Variants in ANKRD28 observed in about 807,000 individuals in gnomAD.
The protein encoded by ANKRD28 is serine/threonine-protein phosphatase 6 regulatory ankyrin repeat subunit A.
Under a neutral mutation model 126.5 loss-of-function variants are expected in ANKRD28, and 44 were observed. The ratio of observed to expected loss-of-function variants is 0.35; its 90% CI spans 0.27 to 0.45. The LOEUF (loss-of-function observed/expected upper bound fraction) is 0.45. Ranked by LOEUF, ANKRD28 falls within the 20% of genes least tolerant of loss-of-function variation. The pLI is 1.00. For missense variants in ANKRD28, 1,110 were observed against 1,316.6 expected (o/e 0.84, Z 2.43); for synonymous variants, 442 against 468.5 (o/e 0.94, Z 0.73).
chr3:15,763,018 T>C (rs545698953), intron 3 of ANKRD28, among the ~76,000 whole-genome samples: 5 of 152,226 alleles, frequency 3.3e-5, no homozygotes, highest in African/African-American at 1.2e-4. Flanking sequence ...GTGTCTCTCA[T>C]GGCAACACAA....
intron 1 of ANKRD28, among the ~76,000 whole-genome samples, chr3:15,809,984 C>T (rs2060676775): frequency 6.6e-6 from 1 of 152,066 alleles, no homozygotes; most frequent in African/African-American, 2.4e-5. Context: ...TCCTCATCCA[C>T]AAAATGTATA....
rs1423464369 is a variant in ANKRD28 at position 15,859,575 on chromosome 3, G to A, written c.-172C>T. ...GGGCAGGGGGCGGCGCCGCCTCCCC[G>A]GCCGCCCGCCGCCGCCGCCGCCGCC... On this transcript the variant is annotated 5_prime_UTR_variant, in exon 1 of 28. Coordinates refer to the ANKRD28 transcript ENST00000399451. 1.7e-5 allele frequency: 5 copies of A among 300,640 alleles called. 1 individual carries two copies. Among genetic ancestry groups the A allele is most frequent in the African/African-American group, 7.9e-5 (3 of 38,160 alleles). The allele number at this position is 300,640 out of a possible 1,614,324, so 18.6% of individuals were successfully genotyped here.
intron 3 of ANKRD28, among the ~76,000 whole-genome samples, chr3:15,754,677 A>G (rs544649850): frequency 1.3e-5 from 2 of 152,334 alleles, no homozygotes; most frequent in Non-Finnish European, 2.9e-5. Context: ...GTATTTGCTT[A>G]ATATGCATAA....
chr3:15,854,672 G>GT lies in ANKRD28; in HGVS notation c.27+4704dup, dbSNP rs903882902. Reference sequence around the variant, plus strand: ...TATCTCACTTACCCTACATCTATGTGTTTTTTTTTTCCCCTCTTCTAAGAT... The same window carrying GT: ...TATCTCACTTACCCTACATCTATGTGTTTTTTTTTTTCCCCTCTTCTAAGAT... On this transcript the variant is annotated intron_variant, in intron 1 of 27. Coordinates refer to the ANKRD28 transcript ENST00000399451. This position sits in a 1 kb window ranked among gnomAD's most constrained non-coding sequence, Gnocchi z 4.1. Among the ~76,000 whole-genome samples, 157 of 149,468 alleles carry GT rather than the reference G, an allele frequency of 1.1e-3. 1 individual carries two copies. Among genetic ancestry groups the GT allele is most frequent in the Non-Finnish European group, 1.3e-3 (89 of 67,208 alleles).
intron 27 of ANKRD28, 115 bp from the exon 28 acceptor site, chr3:15,670,671 T>C (rs1488282339): frequency 4.6e-6 from 5 of 1,083,940 alleles, no homozygotes; most frequent in Admixed American, 2.8e-5. Context: ...ACTTAGCTTA[T>C]AATAAATTGC....
intron 1 of ANKRD28, among the ~76,000 whole-genome samples, chr3:15,851,917 C>T (rs1016474085): frequency 6.6e-6 from 1 of 152,042 alleles, no homozygotes. Flanking sequence ...TATGGTATAT[C>T]CATACAATGG....
chr3:15,714,347 A>G (rs537190095), intron 9 of ANKRD28, among the ~76,000 whole-genome samples: 1 of 152,214 alleles, frequency 6.6e-6, no homozygotes, highest in African/African-American at 2.4e-5. Flanking sequence ...TAACTGCTGA[A>G]GAAATAACAC....
intron 2 of ANKRD28, among the ~76,000 whole-genome samples, chr3:15,778,510 C>T (rs370638975): frequency 3.9e-5 from 6 of 152,288 alleles, no homozygotes. Flanking sequence ...CAGTTGTCAG[C>T]CAGAGGTCAC....
chr3:15,855,338 A>C (rs1287110983), intron 1 of ANKRD28, among the ~76,000 whole-genome samples: 1 of 152,178 alleles, frequency 6.6e-6, no homozygotes, highest in African/African-American at 2.4e-5. Context: ...CTGTTTAAAA[A>C]AACAAAACAA....
rs1463075005 is a variant in ANKRD28, at chr3:15,843,938, G to C, written c.27+15439C>G. 6.6e-6 allele frequency among the ~76,000 whole-genome samples: 1 copy of C among 152,078 alleles called. No individual in the cohort carries two copies. Among genetic ancestry groups the C allele is most frequent in the Non-Finnish European group, 1.5e-5 (1 of 68,016 alleles). ...TTAGGAGTTAAGGCTTAAAAAGTTG[G>C]GCCAAAAGGGCTAAAGGAAGGGAGG... On this transcript the variant is annotated intron_variant, in intron 1 of 27. Coordinates refer to the ANKRD28 transcript ENST00000399451. This position sits in a 1 kb window ranked among gnomAD's most constrained non-coding sequence, Gnocchi z 5.2.
chr3:15,792,567 A>C (rs1575700130), intron 2 of ANKRD28, among the ~76,000 whole-genome samples: 1 of 152,274 alleles, frequency 6.6e-6, no homozygotes, highest in East Asian at 1.9e-4. Context: ...GAGGCTGGGA[A>C]GGGTAATGGG....
rs901965384 is a variant in ANKRD28, at chr3:15,838,620, T to C, written c.27+20757A>G. Among the ~76,000 whole-genome samples the C allele has an allele frequency of 1.3e-5, 2 of 151,976 alleles. No homozygotes were observed. The highest frequency in any genetic ancestry group is 4.8e-5 in the African/African-American group (2 of 41,378). The stretch of plus-strand genomic sequence containing the variant: ...AAACTTAGTCGGGCATGGTGGCACA[T>C]GCCTGTAATCCCAGCTACTTGGGAG... On this transcript the variant is annotated intron_variant, in intron 1 of 27. Coordinates refer to the ANKRD28 transcript ENST00000399451. This position sits in a 1 kb window ranked among gnomAD's most constrained non-coding sequence, Gnocchi z 4.0.
chr3:15,706,782 C>T (rs2071492654), intron 14 of ANKRD28, among the ~76,000 whole-genome samples: 1 of 152,200 alleles, frequency 6.6e-6, no homozygotes, highest in Non-Finnish European at 1.5e-5. Context: ...GATTGCCATT[C>T]TAACTGGTGT....
chr3:15,743,568 A>ACACACACACAC (rs2057264544), intron 4 of ANKRD28, among the ~76,000 whole-genome samples: 1 of 151,390 alleles, frequency 6.6e-6, no homozygotes, highest in Non-Finnish European at 1.5e-5. Context: ...ACACACACAC[A>ACACACACACAC]CACACACACA....
At chr3:15,849,213 G>A (rs1299211740) in intron 1 of ANKRD28, among the ~76,000 whole-genome samples, 2 of 152,134 alleles carry the variant, frequency 1.3e-5, no homozygotes, top group Non-Finnish European at 2.9e-5. Flanking sequence ...TCATTAAGAT[G>A]GCAGTATTTC....
chr3:15,691,535 G>A (rs1348773304), intron 17 of ANKRD28, among the ~76,000 whole-genome samples: 1 of 152,136 alleles, frequency 6.6e-6, no homozygotes, highest in East Asian at 1.9e-4. Flanking sequence ...TGCTGAGCAG[G>A]ACATAAAGAA....
intron 26 of ANKRD28, 92 bp downstream of exon 26, chr3:15,676,882 C>T (rs1046500658): frequency 3.9e-6 from 4 of 1,016,296 alleles, no homozygotes; most frequent in Admixed American, 4.4e-5. Context: ...ACTAATGAAA[C>T]CTATTCCAAT....
rs947166775 is a variant in ANKRD28 at position 15,845,818 on chromosome 3, T to C, written c.27+13559A>G. ...AGGGCAAAGGGGAAGCAAGCACGTC[T>C]TAATATGGTGGAGCAGGAGGTAGGG... is the stretch of plus-strand genomic sequence containing the variant. On this transcript the variant is annotated intron_variant, in intron 1 of 27. Transcript: ENST00000399451. This position sits in a 1 kb window ranked among gnomAD's most constrained non-coding sequence, Gnocchi z 4.9. Among the ~76,000 whole-genome samples, 8 of 152,210 alleles carry C rather than the reference T, an allele frequency of 5.3e-5. No individual in the cohort carries two copies. Among genetic ancestry groups the C allele is most frequent in the Non-Finnish European group, 1.0e-4 (7 of 68,042 alleles).
chr3:15,796,979 T>C lies in ANKRD28; in HGVS notation c.-458A>G, dbSNP rs2060305410. Reference sequence around the variant, plus strand: ...GAGATGATCACAGCGATACCCACTCTTGCCTGCAAGGTCATATAGTTACCA... The same window carrying C: ...GAGATGATCACAGCGATACCCACTCCTGCCTGCAAGGTCATATAGTTACCA... On this transcript the variant is annotated 5_prime_UTR_variant, in exon 1 of 28. Transcript: ENST00000683139. 2.0e-6 allele frequency: 2 copies of C among 985,442 alleles called. No homozygotes were observed. Among genetic ancestry groups the C allele is most frequent in the Non-Finnish European group, 2.4e-6 (2 of 829,960 alleles). The allele number at this position is 985,442 out of a possible 1,614,324, so 61.0% of individuals were successfully genotyped here. A position where few individuals can be genotyped will look rare whatever the true frequency, so the allele number is the denominator to read the frequency against.
Sources: allele counts gnomAD v4.1 joint callset (sites outside exome capture counted in the v4.1 genomes callset), GRCh38; gene constraint gnomAD v4.1.1; non-coding constraint Gnocchi (gnomAD v3.1); transcripts MANE v1.5; gene names NCBI Gene and HGNC (gene_info 2026-07-23, HGNC 2026-07-21).